The following PHEX variants were observed in gnomAD, a reference collection of about 807,000 sequenced individuals.
The protein encoded by PHEX is phosphate regulating endopeptidase X-linked.
A neutral mutation model predicts 68.0 loss-of-function variants in PHEX; 16 were observed. That is an observed-to-expected ratio of 0.24 (90% CI 0.16 to 0.36). The LOEUF (loss-of-function observed/expected upper bound fraction) is 0.36. Among genes scored for constraint, PHEX ranks in the 10% least tolerant of loss-of-function variants. The pLI is 1.00. For missense variants in PHEX, 480 were observed against 575.5 expected (o/e 0.83, Z 1.70); for synonymous variants, 208 against 205.1 (o/e 1.01, Z -0.12).
intron 12 of PHEX, among the ~76,000 whole-genome samples, chrX:22,159,986 T>C (rs1933064554): frequency 8.9e-6 from 1 of 112,290 alleles, no homozygotes; most frequent in South Asian, 3.7e-4. Context: ...TCCTCAGCTT[T>C]TTAAATAAAA....
chrX:22,193,687 C>G (rs1013503871), intron 15 of PHEX, among the ~76,000 whole-genome samples: 1 of 111,441 alleles, frequency 9.0e-6, no homozygotes, highest in African/African-American at 3.3e-5. Flanking sequence ...CTTCTGTTGT[C>G]CAGCCTATGA....
chrX:22,197,216 C>T (rs1027602844), intron 15 of PHEX, among the ~76,000 whole-genome samples: 12 of 111,001 alleles, frequency 1.1e-4, no homozygotes, highest in African/African-American at 3.6e-4. Flanking sequence ...CAGAGCAATT[C>T]TTAGTAATTT....
At chrX:22,146,716 C>T (rs956755625) in intron 12 of PHEX, among the ~76,000 whole-genome samples, 1 of 110,845 alleles carries the variant, frequency 9.0e-6, no homozygotes, top group African/African-American at 3.3e-5. Context: ...ATTTGGGAGG[C>T]TGAGGCAGGA....
intron 17 of PHEX, among the ~76,000 whole-genome samples, chrX:22,220,317 GTC>G (rs1935230092): frequency 9.0e-6 from 1 of 111,310 alleles, no homozygotes; most frequent in African/African-American, 3.3e-5. Flanking sequence ...TTCTAGAAAA[GTC>G]TTCCTGTACT....
At chrX:22,193,292 T>C (rs1382119153) in intron 15 of PHEX, among the ~76,000 whole-genome samples, 2 of 111,161 alleles carry the variant, frequency 1.8e-5, no homozygotes, top group Non-Finnish European at 3.8e-5. Flanking sequence ...CAAAAGAACA[T>C]GTAACATTTT....
intron 16 of PHEX, among the ~76,000 whole-genome samples, chrX:22,213,198 C>A (rs1310020132): frequency 1.8e-5 from 2 of 112,127 alleles, no homozygotes; most frequent in Non-Finnish European, 3.8e-5. Flanking sequence ...TGCATTTATT[C>A]TCTTACCCAT....
chrX:22,100,365 G>C (rs1388131249), intron 9 of PHEX, among the ~76,000 whole-genome samples: 1 of 112,008 alleles, frequency 8.9e-6, no homozygotes, highest in African/African-American at 3.2e-5. Flanking sequence ...GGGAGGGGAA[G>C]GGGATCACTG....
intron 15 of PHEX, among the ~76,000 whole-genome samples, chrX:22,198,752 T>C (rs9887608): frequency 0.087 from 9,605 of 110,907 alleles, 1,051 homozygotes; most frequent in African/African-American, 0.3. Context: ...CAGAGGGAGC[T>C]AGTATAGTTT....
chrX:22,135,504 T>G (rs1373944229), intron 12 of PHEX, among the ~76,000 whole-genome samples: 1 of 110,676 alleles, frequency 9.0e-6, no homozygotes, highest in African/African-American at 3.3e-5. Flanking sequence ...TGTGTGTGTA[T>G]GTATAGGTGT....
At chrX:22,074,000 G>A (rs1302311907) in intron 3 of PHEX, among the ~76,000 whole-genome samples, 2 of 111,057 alleles carry the variant, frequency 1.8e-5, no homozygotes, top group Non-Finnish European at 3.8e-5. Flanking sequence ...ACCTGGGTGG[G>A]GTGGAGGTGG....
At chrX:22,042,710 G>A (rs1031639035) in intron 2 of PHEX, among the ~76,000 whole-genome samples, 11 of 111,742 alleles carry the variant, frequency 9.8e-5, no homozygotes, top group African/African-American at 3.6e-4. Flanking sequence ...ACTTGAACCT[G>A]GGAGGTGGAG....
intron 1 of PHEX, among the ~76,000 whole-genome samples, chrX:22,034,902 T>C (rs1206036518): frequency 9.0e-6 from 1 of 111,527 alleles, no homozygotes; most frequent in Non-Finnish European, 1.9e-5. Flanking sequence ...TTGTCAAATA[T>C]TTCTGCACTA....
intron 20 of PHEX, among the ~76,000 whole-genome samples, chrX:22,237,493 G>A (rs1385600861): frequency 9.0e-6 from 1 of 111,311 alleles, no homozygotes. Flanking sequence ...CTTATTTAGT[G>A]GACATCCATT....
At position 22,249,455 on chromosome X, in the gene PHEX, A is replaced by AAATATATATATATATATATATATAT; in HGVS notation, c.*1503_*1504insATATATATATATATATATATATATA. ...TTGTGATTCTTTTAAAAAAAAAAAA[A>AAATATATATATATATATATATATAT]ATATATATATATATATATATATATA... On this transcript the variant is annotated 3_prime_UTR_variant, in exon 22 of 22. Transcript: ENST00000379374. 8 of 39,758 alleles carry AAATATATATATATATATATATATAT rather than the reference A, an allele frequency of 2.0e-4. No individual in the cohort carries two copies. The highest frequency in any genetic ancestry group is 1.3e-3 in the South Asian group (1 of 795). The allele number at this position is 39,758 out of a possible 1,213,427, so 3.3% of individuals were successfully genotyped here.
intron 11 of PHEX, 151 bp from the exon 12 acceptor site, chrX:22,133,372 A>G (rs1033482658): frequency 2.1e-6 from 1 of 483,798 alleles, no homozygotes; most frequent in Non-Finnish European, 3.7e-6. Context: ...TGGAAAAAGA[A>G]GTGTTGCCAG....
chrX:22,041,261 CTCTCTATATATATA>C (rs1927266401), intron 2 of PHEX, among the ~76,000 whole-genome samples: 1 of 65,516 alleles, frequency 1.5e-5, no homozygotes, highest in Non-Finnish European at 2.7e-5. Flanking sequence ...CTCTCTCTCT[CTCTCTATATATATA>C]TATATATATA....
At chrX:22,187,843 A>T (rs1234842953) in intron 14 of PHEX, among the ~76,000 whole-genome samples, 1 of 111,984 alleles carries the variant, frequency 8.9e-6, no homozygotes, top group Non-Finnish European at 1.9e-5. Context: ...CTCTTTCTTG[A>T]TTTCCAGTAA....
At chrX:22,111,091 A>G (rs1251240697) in intron 9 of PHEX, among the ~76,000 whole-genome samples, 3 of 112,545 alleles carry the variant, frequency 2.7e-5, no homozygotes, top group African/African-American at 9.7e-5. Flanking sequence ...TCAACTGTAT[A>G]ACAAAAGGAT....
chrX:22,232,665 A>ATTTATTTTGAGCCTATGTGTGTCTTTC (rs1935807914), intron 20 of PHEX, among the ~76,000 whole-genome samples: 2 of 45,030 alleles, frequency 4.4e-5, no homozygotes, highest in Non-Finnish European at 7.8e-5. Context: ...CCATCCCTTT[A>ATTTATTTTGAGCCTATGTGTGTCTTTC]TTTATTTTGA....
Sources: gnomAD v4.1 joint callset for allele counts (sites outside exome capture counted in the v4.1 genomes callset) on GRCh38, gnomAD v4.1.1 for gene constraint, MANE v1.5 for transcripts, NCBI Gene and HGNC (gene_info 2026-07-23, HGNC 2026-07-21) for gene names.